Variants in STXBP5 observed in about 807,000 individuals in gnomAD.
STXBP5 encodes syntaxin-binding protein 5.
STXBP5 carries 50 observed loss-of-function variants against 152.4 expected under a neutral mutation model. The ratio of observed to expected loss-of-function variants is 0.33; its 90% CI spans 0.26 to 0.42. The LOEUF (loss-of-function observed/expected upper bound fraction) is 0.42. Ranked by LOEUF, STXBP5 falls within the 10% of genes least tolerant of loss-of-function variation. The pLI is 1.00. For missense variants in STXBP5, 1,167 were observed against 1,388.6 expected (o/e 0.84, Z 2.54); for synonymous variants, 492 against 494.7 (o/e 0.99, Z 0.07).
At chr6:147,233,062 T>C (rs1469478782) in intron 2 of STXBP5, among the ~76,000 whole-genome samples, 1 of 151,832 alleles carries the variant, frequency 6.6e-6, no homozygotes, top group Admixed American at 6.6e-5. Flanking sequence ...ATTCCCAATC[T>C]GTTTATGTCT....
At chr6:147,214,122 C>T (rs1777037842) in intron 2 of STXBP5, among the ~76,000 whole-genome samples, 1 of 152,136 alleles carries the variant, frequency 6.6e-6, no homozygotes, top group African/African-American at 2.4e-5. Context: ...CCTGTAGAGA[C>T]ATTCAGGTTT....
chr6:147,213,430 ATATATGTG>A (rs762049580), intron 2 of STXBP5, among the ~76,000 whole-genome samples: 1,571 of 68,352 alleles, frequency 0.023, 24 homozygotes, highest in African/African-American at 0.068. Context: ...ACATAATTTT[ATATATGTG>A]TGTGTGTGTG....
chr6:147,376,433 G>A (rs540185489), intron 26 of STXBP5, among the ~76,000 whole-genome samples: 3 of 152,272 alleles, frequency 2.0e-5, no homozygotes, highest in South Asian at 2.1e-4. Flanking sequence ...AGTACATAAA[G>A]CATGGTAGAT....
At chr6:147,365,787 C>T (rs1785264266) in intron 25 of STXBP5, among the ~76,000 whole-genome samples, 1 of 152,120 alleles carries the variant, frequency 6.6e-6, no homozygotes, top group Admixed American at 6.5e-5. Flanking sequence ...TACCTTGGTT[C>T]CCTGAGTACC....
intron 16 of STXBP5, among the ~76,000 whole-genome samples, chr6:147,324,134 C>T (rs937132076): frequency 2.0e-5 from 3 of 151,898 alleles, no homozygotes; most frequent in African/African-American, 7.3e-5. Flanking sequence ...ATTTGTTTTA[C>T]AGTGAAAGTA....
At chr6:147,383,149 G>A (rs1786174606) in intron 27 of STXBP5, 151 bp downstream of exon 27, 2 of 864,928 alleles carry the variant, frequency 2.3e-6, no homozygotes, top group South Asian at 1.8e-5. Flanking sequence ...CCACCAGAGG[G>A]AACCATTACA....
chr6:147,280,119 T>A (rs1180396451), intron 8 of STXBP5, among the ~76,000 whole-genome samples: 1 of 152,122 alleles, frequency 6.6e-6, no homozygotes, highest in African/African-American at 2.4e-5. Flanking sequence ...TTGCCTTTAT[T>A]CAAAAGAGTT....
intron 2 of STXBP5, among the ~76,000 whole-genome samples, chr6:147,219,556 G>A (rs896897141): frequency 6.6e-6 from 1 of 152,100 alleles, no homozygotes; most frequent in South Asian, 2.1e-4. Context: ...AATTGATTCA[G>A]TTTCTTTAAT....
At position 147,324,951 on chromosome 6, in the gene STXBP5, T is replaced by C; in HGVS notation, c.1803-8T>C. The C allele has an allele frequency of 6.6e-7, 1 of 1,505,504 alleles. No homozygotes were observed. Among genetic ancestry groups the C allele is most frequent in the Non-Finnish European group, 8.9e-7 (1 of 1,121,748 alleles). The allele number at this position is 1,505,504 out of a possible 1,614,324, so 93.3% of individuals were successfully genotyped here. On this transcript the variant is annotated splice_region_variant and splice_polypyrimidine_tract_variant and intron_variant, in intron 16 of 27. Coordinates refer to ENST00000321680, the MANE Select transcript of STXBP5 (RefSeq NM_001127715.4). ...GGTTTAAAGATACCATGTTTTCTTTTATTTTAGAGTTAAAAACTCACCACT... is the reference window on the plus strand; with the variant it reads ...GGTTTAAAGATACCATGTTTTCTTTCATTTTAGAGTTAAAAACTCACCACT...
chr6:147,211,731 T>G (rs1776864620), intron 2 of STXBP5, among the ~76,000 whole-genome samples: 1 of 152,122 alleles, frequency 6.6e-6, no homozygotes, highest in Admixed American at 6.5e-5. Context: ...CGACCACAAG[T>G]GTGTGCCACC....
chr6:147,244,626 A>AAATAAAAATAAT (rs1412198089), intron 4 of STXBP5, among the ~76,000 whole-genome samples: 4 of 152,228 alleles, frequency 2.6e-5, no homozygotes, highest in Non-Finnish European at 5.9e-5. Flanking sequence ...GGCATGCCCT[A>AAATAAAAATAAT]GCGTCAATAG....
At position 147,315,504 on chromosome 6, in the gene STXBP5, C is replaced by G. The variant is rs769438364; in HGVS notation, c.1403-11C>G. 1 of 1,552,170 alleles carries G rather than the reference C, an allele frequency of 6.4e-7. No homozygotes were observed. Among genetic ancestry groups the G allele is most frequent in the African/African-American group, 1.4e-5 (1 of 72,714 alleles). ...TATTAAAGTATCTGACATATATTAT[C>G]TTTTTTCCAGTAACTCTACAAGTAT... is the stretch of plus-strand genomic sequence containing the variant. On this transcript the variant is annotated splice_polypyrimidine_tract_variant and intron_variant, in intron 14 of 27. Coordinates refer to ENST00000321680, the MANE Select transcript of STXBP5 (RefSeq NM_001127715.4).
At chr6:147,364,532 C>T (rs551801932) in intron 25 of STXBP5, among the ~76,000 whole-genome samples, 96 of 152,202 alleles carry the variant, frequency 6.3e-4, no homozygotes, top group Non-Finnish European at 9.1e-4. Flanking sequence ...AGTCTATTTT[C>T]GGGCAAATTT....
At chr6:147,215,259 GAGA>G (rs373889519) in intron 2 of STXBP5, among the ~76,000 whole-genome samples, 11 of 152,354 alleles carry the variant, frequency 7.2e-5, no homozygotes, top group African/African-American at 2.6e-4. Flanking sequence ...AGGATATACA[GAGA>G]AGAATGTTCA....
At chr6:147,230,328 C>G (rs1342047089) in intron 2 of STXBP5, among the ~76,000 whole-genome samples, 2 of 151,830 alleles carry the variant, frequency 1.3e-5, no homozygotes, top group Non-Finnish European at 2.9e-5. Context: ...AATTAGAATA[C>G]AGAATTCTAG....
At chr6:147,382,624 C>T (rs1009457006) in intron 26 of STXBP5, among the ~76,000 whole-genome samples, 154 bp from the exon 27 acceptor site, 1 of 151,982 alleles carries the variant, frequency 6.6e-6, no homozygotes, top group Admixed American at 6.6e-5. Context: ...CCAATCATAA[C>T]AAAAGAAAGC....
At chr6:147,223,653 T>A (rs1326528296) in intron 2 of STXBP5, among the ~76,000 whole-genome samples, 2 of 152,198 alleles carry the variant, frequency 1.3e-5, no homozygotes, top group African/African-American at 4.8e-5. Context: ...AACCAAAATG[T>A]ACAAACAATG....
chr6:147,296,474 A>G (rs1443654877), intron 9 of STXBP5, among the ~76,000 whole-genome samples: 2 of 152,176 alleles, frequency 1.3e-5, no homozygotes, highest in Non-Finnish European at 2.9e-5. Context: ...ACACCCATAT[A>G]CAGGAATAAA....
chr6:147,382,707 A>G (rs1398149535), intron 26 of STXBP5, 71 bp from the exon 27 acceptor site: 1 of 1,499,304 alleles, frequency 6.7e-7, no homozygotes, highest in Non-Finnish European at 9.1e-7. Flanking sequence ...TTGTATTTTA[A>G]TGTAGTAGGA....
Sources: gnomAD v4.1 joint callset for allele counts (sites outside exome capture counted in the v4.1 genomes callset) on GRCh38, gnomAD v4.1.1 for gene constraint, MANE v1.5 for transcripts, NCBI Gene and HGNC (gene_info 2026-07-23, HGNC 2026-07-21) for gene names.